The following ROBO1 variants were observed in gnomAD, a reference collection of about 807,000 sequenced individuals.
ROBO1 encodes roundabout homolog 1.
Under a neutral mutation model 195.9 loss-of-function variants are expected in ROBO1, and 149 were observed. The observed-to-expected ratio is 0.76, with a 90% CI of 0.67 to 0.87. The LOEUF (loss-of-function observed/expected upper bound fraction) is 0.87, where lower values mean the gene tolerates loss of function less well. Among genes scored for constraint, ROBO1 ranks in the 40% least tolerant of loss-of-function variants. ROBO1 has a pLI of 0.00. For missense variants in ROBO1, 1,933 were observed against 2,068.3 expected, an observed-to-expected ratio of 0.93 and a Z score of 1.27; for synonymous variants, 816 against 733.2, an observed-to-expected ratio of 1.11 and a Z score of -1.82.
chr3:79,708,591 G>T (rs919710902), intron 1 of ROBO1, among the ~76,000 whole-genome samples: 20 of 152,184 alleles, frequency 1.3e-4, no homozygotes, highest in African/African-American at 4.1e-4. Context: ...GGCAGGGGAT[G>T]ACAGCTTCAC....
At chr3:78,651,615 T>C in intron 19 of ROBO1, 117 bp downstream of exon 19, 1 of 763,386 alleles carries the variant, frequency 1.3e-6, no homozygotes, top group Non-Finnish European at 2.0e-6. Context: ...TTTGAAAATC[T>C]TTATATATTA....
At chr3:79,464,250 A>G (rs11920736) in intron 2 of ROBO1, among the ~76,000 whole-genome samples, 7,389 of 152,254 alleles carry the variant, frequency 0.049, 492 homozygotes, top group African/African-American at 0.15. Flanking sequence ...TTTTTTGTGT[A>G]TTAACACATA....
chr3:78,954,246 T>C (rs1327504804), intron 3 of ROBO1, among the ~76,000 whole-genome samples: 2 of 152,048 alleles, frequency 1.3e-5, no homozygotes, highest in Non-Finnish European at 2.9e-5. Flanking sequence ...TAATAAAGCA[T>C]CTCTGTTCCT....
chr3:79,766,654 C>T (rs1470667324), intron 1 of ROBO1, among the ~76,000 whole-genome samples: 1 of 152,060 alleles, frequency 6.6e-6, no homozygotes, highest in African/African-American at 2.4e-5. Flanking sequence ...CCGCAGGGCT[C>T]GCCTGCTTCT....
chr3:78,911,150 A>C (rs1158678236), intron 4 of ROBO1, among the ~76,000 whole-genome samples: 1 of 152,052 alleles, frequency 6.6e-6, no homozygotes, highest in African/African-American at 2.4e-5. Context: ...TGTAAGTAAC[A>C]GAAGTTTACA....
At chr3:79,196,113 T>C (rs1252768335) in intron 2 of ROBO1, among the ~76,000 whole-genome samples, 5 of 151,586 alleles carry the variant, frequency 3.3e-5, no homozygotes, top group Non-Finnish European at 1.5e-5. Flanking sequence ...AACCTAAATA[T>C]GTATGCCAGC....
At chr3:79,145,742 T>C (rs955594131) in intron 2 of ROBO1, among the ~76,000 whole-genome samples, 3 of 152,026 alleles carry the variant, frequency 2.0e-5, no homozygotes, top group African/African-American at 7.2e-5. Context: ...CAATAAACTC[T>C]GACAGCTTGG....
chr3:78,761,453 A>C (rs2083103119), intron 4 of ROBO1, among the ~76,000 whole-genome samples: 1 of 152,138 alleles, frequency 6.6e-6, no homozygotes, highest in African/African-American at 2.4e-5. Flanking sequence ...TATTTTTAAC[A>C]ATCTTTTTAT....
At chr3:79,345,624 C>G (rs538474978) in intron 2 of ROBO1, among the ~76,000 whole-genome samples, 1 of 152,130 alleles carries the variant, frequency 6.6e-6, no homozygotes, top group Non-Finnish European at 1.5e-5. Flanking sequence ...AAGACCCACA[C>G]CGTTTTTGCT....
chr3:79,556,188 G>T (rs1942692977), intron 2 of ROBO1, among the ~76,000 whole-genome samples: 7 of 151,776 alleles, frequency 4.6e-5, no homozygotes, highest in Admixed American at 4.6e-4. Flanking sequence ...ATTTTAATAT[G>T]CAGTATTTCA....
At chr3:78,679,098 A>C in intron 10 of ROBO1, among the ~76,000 whole-genome samples, 1 of 152,230 alleles carries the variant, frequency 6.6e-6, no homozygotes, top group South Asian at 2.1e-4. Flanking sequence ...CAATAGATGC[A>C]GAAAAGACCT....
intron 2 of ROBO1, among the ~76,000 whole-genome samples, chr3:79,307,245 C>T (rs1258768056): frequency 6.6e-6 from 1 of 151,970 alleles, no homozygotes; most frequent in Non-Finnish European, 1.5e-5. Flanking sequence ...GCCCTGGACC[C>T]CTCTGAGATG....
At chr3:79,616,836 A>C (rs1944836943) in intron 1 of ROBO1, among the ~76,000 whole-genome samples, 1 of 152,112 alleles carries the variant, frequency 6.6e-6, no homozygotes, top group African/African-American at 2.4e-5. Context: ...CTGCCTGTCC[A>C]GACTTGCACG....
chr3:79,743,959 CT>C lies in ROBO1; in HGVS notation c.-51+23792del, dbSNP rs552824926. Among the ~76,000 whole-genome samples, 65 of 149,780 alleles carry C rather than the reference CT, an allele frequency of 4.3e-4. No individual in the cohort carries two copies. In the Middle Eastern group the frequency reaches 0.014, roughly 32 times the overall value. On this transcript the variant is annotated intron_variant, in intron 1 of 30. Coordinates refer to ENST00000464233, the MANE Select transcript of ROBO1 (RefSeq NM_002941.4). ...CTGCCTCAGGCTGTTTTACAATTAACTTTTTTTTTTAAGTAGGAGTACATTC... is the reference window on the plus strand; with the variant it reads ...CTGCCTCAGGCTGTTTTACAATTAACTTTTTTTTTAAGTAGGAGTACATTC...
chr3:79,587,980 A>G (rs948536243), intron 2 of ROBO1, among the ~76,000 whole-genome samples: 1 of 151,754 alleles, frequency 6.6e-6, no homozygotes, highest in Non-Finnish European at 1.5e-5. Flanking sequence ...AGTCCTGAAA[A>G]AAAAGGCATC....
rs942115319 is a variant in ROBO1 at position 79,019,180 on chromosome 3, G to C, written c.173-80253C>G. 5.1e-6 allele frequency: 5 copies of C among 986,492 alleles called. No homozygotes were observed. The South Asian group carries it at 1.4e-4, about 28-fold the overall frequency. 61.1% of individuals were successfully genotyped at this position (986,492 alleles called of 1,614,324 possible). ...ACGTCTTCTGGGCGCCCCCAGCCCC[G>C]CGCGGCGCCCAACATCGCCCTCGGC... On this transcript the variant is annotated intron_variant, in intron 3 of 30. Transcript: ENST00000464233.
In ROBO1 at chr3:79,059,138, C is replaced by T. The variant is rs558029618; in HGVS notation, c.172+66318G>A. On this transcript the variant is annotated intron_variant, in intron 3 of 30. Transcript: ENST00000464233. Reference sequence around the variant, plus strand: ...GTGATTGGAATACTTCAGATTTCTTCATCACCCCGTATTCCTATAATGAGA... The same window carrying T: ...GTGATTGGAATACTTCAGATTTCTTTATCACCCCGTATTCCTATAATGAGA... Among the ~76,000 whole-genome samples, 3 of 152,256 alleles carry T rather than the reference C, an allele frequency of 2.0e-5. No individual in the cohort carries two copies. In the East Asian group the frequency reaches 5.8e-4, roughly 29 times the overall value.
chr3:79,350,848 T>G (rs2109264157), intron 2 of ROBO1, among the ~76,000 whole-genome samples: 1 of 152,212 alleles, frequency 6.6e-6, no homozygotes, highest in South Asian at 2.1e-4. Context: ...GGATGGGGTC[T>G]TGCTATGTTG....
chr3:78,606,652 T>A, intron 29 of ROBO1, 81 bp downstream of exon 29: 1 of 1,396,206 alleles, frequency 7.2e-7, no homozygotes, highest in South Asian at 1.3e-5. Flanking sequence ...TACCACTTTT[T>A]ACATGGCCAT....
Sources: gnomAD v4.1 joint callset for allele counts (sites outside exome capture counted in the v4.1 genomes callset) on GRCh38, gnomAD v4.1.1 for gene constraint, MANE v1.5 for transcripts, NCBI Gene and HGNC (gene_info 2026-07-23, HGNC 2026-07-21) for gene names.